AKAP6: variants seen among roughly 807,000 people sequenced by gnomAD.
The protein encoded by AKAP6 is A-kinase anchoring protein 6.
In AKAP6, 58 loss-of-function variants were observed where a neutral mutation model predicts 188.5. The ratio of observed to expected loss-of-function variants is 0.31; its 90% CI spans 0.25 to 0.38. The LOEUF (loss-of-function observed/expected upper bound fraction) is 0.38, where lower values mean the gene tolerates loss of function less well. AKAP6 is among the 10% of genes least tolerant of loss of function. AKAP6 has a pLI of 1.00. For missense variants in AKAP6, 2,710 were observed against 2,740.0 expected, an observed-to-expected ratio of 0.99 and a Z score of 0.24; for synonymous variants, 989 against 998.6, an observed-to-expected ratio of 0.99 and a Z score of 0.18.
intron 1 of AKAP6, among the ~76,000 whole-genome samples, chr14:32,359,854 CT>C (rs1310922598): frequency 6.6e-6 from 1 of 152,146 alleles, no homozygotes; most frequent in Non-Finnish European, 1.5e-5. Context: ...GATTAGAGGG[CT>C]TGTAATAGCC....
intron 2 of AKAP6, among the ~76,000 whole-genome samples, chr14:32,473,420 C>T (rs10872864): frequency 0.35 from 53,702 of 151,996 alleles, 11,084 homozygotes; most frequent in Middle Eastern, 0.48. Flanking sequence ...TCTTTTTTCC[C>T]TAGGGCCAGT....
In AKAP6 at chr14:32,793,845, C is replaced by T. The variant is rs143766598; in HGVS notation, c.3588+19952C>T. Among the ~76,000 whole-genome samples, 709 of 151,682 alleles carry T rather than the reference C, an allele frequency of 4.7e-3. 7 individuals carry two copies. Among genetic ancestry groups the T allele is most frequent in the African/African-American group, 0.016 (652 of 41,328 alleles). On this transcript the variant is annotated intron_variant, in intron 12 of 13. Transcript: ENST00000280979. ...CACCCTATACAGAAGCACCGAAATT[C>T]ATAAAGCAAGTTCTTGGAGATCTAC... is the stretch of plus-strand genomic sequence containing the variant.
intron 2 of AKAP6, 63 bp downstream of exon 2, chr14:32,433,880 CTG>C (rs2138709429): frequency 1.4e-6 from 2 of 1,470,500 alleles, no homozygotes; most frequent in South Asian, 1.3e-5. Flanking sequence ...CACCTAGAGA[CTG>C]TGTTCTGTAA....
rs1249418656 is a variant in AKAP6, at chr14:32,397,731, C to G, written c.-34-35729C>G. On this transcript the variant is annotated intron_variant, in intron 1 of 13. Transcript: ENST00000280979. ...GAAAGAAAGCACTATTTGCCACATTCTGTGGCTGGATATTTTAAGGCAAGG... is the reference window on the plus strand; with the variant it reads ...GAAAGAAAGCACTATTTGCCACATTGTGTGGCTGGATATTTTAAGGCAAGG... 2.0e-5 allele frequency among the ~76,000 whole-genome samples: 3 copies of G among 152,162 alleles called. No homozygotes were observed. In the East Asian group the frequency reaches 5.8e-4, roughly 29 times the overall value.
intron 2 of AKAP6, among the ~76,000 whole-genome samples, chr14:32,532,728 T>G (rs1882478366): frequency 6.6e-6 from 1 of 152,178 alleles, no homozygotes; most frequent in African/African-American, 2.4e-5. Context: ...ATCTTTAGCA[T>G]CAAAGTGAGA....
chr14:32,466,953 T>C (rs1042307674), intron 2 of AKAP6, among the ~76,000 whole-genome samples: 4 of 150,268 alleles, frequency 2.7e-5, no homozygotes, highest in African/African-American at 9.8e-5. Flanking sequence ...ATAAAGGTAT[T>C]AATTTTTATG....
chr14:32,645,384 G>A (rs1322278386), intron 7 of AKAP6, among the ~76,000 whole-genome samples: 1 of 152,096 alleles, frequency 6.6e-6, no homozygotes, highest in African/African-American at 2.4e-5. Context: ...ATATATTTGT[G>A]GGTAAACAGA....
At chr14:32,687,151 G>C (rs1358671895) in intron 8 of AKAP6, among the ~76,000 whole-genome samples, 2 of 152,122 alleles carry the variant, frequency 1.3e-5, no homozygotes, top group African/African-American at 4.8e-5. Flanking sequence ...GTGTGTGAAA[G>C]TATATACAAA....
At chr14:32,586,638 A>G (rs1156547713) in intron 5 of AKAP6, among the ~76,000 whole-genome samples, 3 of 152,234 alleles carry the variant, frequency 2.0e-5, no homozygotes, top group Non-Finnish European at 4.4e-5. Flanking sequence ...CAAAAAACAC[A>G]AAGAAATATA....
At chr14:32,591,519 G>A (rs1392468778) in intron 5 of AKAP6, among the ~76,000 whole-genome samples, 1 of 148,462 alleles carries the variant, frequency 6.7e-6, no homozygotes. Flanking sequence ...ATTGTAACTT[G>A]TGTAACTTGT....
At chr14:32,624,615 G>C (rs1342851275) in intron 7 of AKAP6, among the ~76,000 whole-genome samples, 1 of 152,004 alleles carries the variant, frequency 6.6e-6, no homozygotes, top group South Asian at 2.1e-4. Context: ...GACAATTAAG[G>C]CCAGAAAAAT....
intron 5 of AKAP6, among the ~76,000 whole-genome samples, chr14:32,597,725 T>G (rs2139341150): frequency 6.6e-6 from 1 of 152,292 alleles, no homozygotes; most frequent in Non-Finnish European, 1.5e-5. Context: ...GAAACTTTAT[T>G]GTATCTTATG....
chr14:32,587,999 A>G (rs904737566), intron 5 of AKAP6, among the ~76,000 whole-genome samples: 1 of 152,218 alleles, frequency 6.6e-6, no homozygotes, highest in Non-Finnish European at 1.5e-5. Context: ...CAACTTCTAT[A>G]ATTATGGAAC....
chr14:32,654,665 C>T (rs919441382), intron 7 of AKAP6, among the ~76,000 whole-genome samples: 2 of 147,542 alleles, frequency 1.4e-5, no homozygotes, highest in Admixed American at 6.7e-5. Flanking sequence ...GGCAACGTGG[C>T]AAGACCTTGT....
intron 7 of AKAP6, among the ~76,000 whole-genome samples, chr14:32,641,930 T>C (rs1282703505): frequency 6.6e-6 from 1 of 152,118 alleles, no homozygotes; most frequent in African/African-American, 2.4e-5. Flanking sequence ...TGACTAGAGA[T>C]TTGGAAATGG....
intron 2 of AKAP6, among the ~76,000 whole-genome samples, chr14:32,511,628 C>T (rs533550167): frequency 3.9e-5 from 6 of 152,146 alleles, no homozygotes; most frequent in African/African-American, 1.2e-4. Context: ...CCACCCACCT[C>T]GGCCTCCCAA....
At chr14:32,334,638 A>G (rs1272069941) in intron 1 of AKAP6, among the ~76,000 whole-genome samples, 1 of 152,190 alleles carries the variant, frequency 6.6e-6, no homozygotes, top group African/African-American at 2.4e-5. Flanking sequence ...GTTTGGTGCT[A>G]TCCATGGTTT....
intron 2 of AKAP6, among the ~76,000 whole-genome samples, chr14:32,450,866 G>T (rs1323171895): frequency 6.6e-6 from 1 of 152,048 alleles, no homozygotes; most frequent in African/African-American, 2.4e-5. Context: ...GGCCAATTTG[G>T]TCTTTAAGAA....
intron 9 of AKAP6, among the ~76,000 whole-genome samples, chr14:32,723,807 AT>A (rs1266592043): frequency 6.6e-6 from 1 of 152,182 alleles, no homozygotes; most frequent in African/African-American, 2.4e-5. Flanking sequence ...ATTTAAAAAA[AT>A]AGTTCTCTTT....
Sources: allele counts gnomAD v4.1 joint callset (sites outside exome capture counted in the v4.1 genomes callset), GRCh38; gene constraint gnomAD v4.1.1; transcripts MANE v1.5; gene names NCBI Gene and HGNC (gene_info 2026-07-23, HGNC 2026-07-21).